Variants in ZC3H11A observed in about 807,000 individuals in gnomAD.
ZC3H11A encodes the protein zinc finger CCCH domain-containing protein 11A.
Under a neutral mutation model 90.8 loss-of-function variants are expected in ZC3H11A, and 22 were observed. The ratio of observed to expected loss-of-function variants is 0.24; its 90% confidence interval spans 0.17 to 0.35. ZC3H11A has a LOEUF of 0.35. Ranked by LOEUF, ZC3H11A falls within the 10% of genes least tolerant of loss-of-function variation. The pLI is 1.00. For synonymous variants in ZC3H11A, 294 were observed against 339.8 expected (o/e 0.87, Z 1.48); for missense variants, 701 against 964.9 (o/e 0.73, Z 3.62).
chr1:203,850,055 T>G, intron 15 of ZC3H11A, 29 bp downstream of exon 15: 1 of 1,595,444 alleles, frequency 6.3e-7, no homozygotes, highest in Non-Finnish European at 8.5e-7. Flanking sequence ...TGTATTGCTT[T>G]AGGTTATCAA....
At chr1:203,822,439 G>A (rs80021399) in intron 4 of ZC3H11A, among the ~76,000 whole-genome samples, 2,643 of 151,860 alleles carry the variant, frequency 0.017, 69 homozygotes, top group African/African-American at 0.056. Flanking sequence ...CCCCCAACAC[G>A]ATCCCTATAA....
Position 203,829,906 on chromosome 1 carries a change from G to A in ZC3H11A, c.619+10G>A, listed in dbSNP as rs763144075. ...GTCAATATAAAGCAAGGTAAGAAGA[G>A]GCTAGATTGGTGCCTCTTATAGCAC... On this transcript the variant is annotated intron_variant, in intron 7 of 17. Coordinates refer to ENST00000367210, the MANE Select transcript of ZC3H11A (RefSeq NM_001376342.1). The A allele has an allele frequency of 1.9e-5, 31 of 1,610,036 alleles. No individual in the cohort carries two copies. The highest frequency in any genetic ancestry group is 2.0e-5 in the Non-Finnish European group (23 of 1,176,326).
At chr1:203,826,473 T>C (rs1680575056) in intron 4 of ZC3H11A, among the ~76,000 whole-genome samples, 1 of 152,080 alleles carries the variant, frequency 6.6e-6, no homozygotes, top group Admixed American at 6.6e-5. Context: ...AAACTGATTT[T>C]GCCAAATCAC....
At chr1:203,805,807 G>T (rs1244434627) in intron 2 of ZC3H11A, 2 of 794,866 alleles carry the variant, frequency 2.5e-6, no homozygotes, top group Non-Finnish European at 4.4e-6. Context: ...ATCTAATTCT[G>T]GGCCGCCATA....
At chr1:203,813,755 C>G (rs1675294906) in intron 2 of ZC3H11A, among the ~76,000 whole-genome samples, 1 of 152,050 alleles carries the variant, frequency 6.6e-6, no homozygotes, top group Non-Finnish European at 1.5e-5. Flanking sequence ...GTTGGCAATC[C>G]TTGGCATTCC....
intron 2 of ZC3H11A, among the ~76,000 whole-genome samples, chr1:203,806,773 A>G (rs1259246798): frequency 6.8e-6 from 1 of 148,140 alleles, no homozygotes; most frequent in African/African-American, 2.5e-5. Flanking sequence ...CATTTATGCT[A>G]GGAAGTACCT....
chr1:203,810,149 GT>G (rs1315810818), intron 2 of ZC3H11A, among the ~76,000 whole-genome samples: 7 of 144,470 alleles, frequency 4.8e-5, no homozygotes, highest in South Asian at 2.3e-4. Context: ...TTTGTTTTTT[GT>G]TTTTTTTTTA....
Position 203,837,969 on chromosome 1 carries a change from G to T in ZC3H11A, c.878G>T (p.Gly293Val). 6.2e-7 allele frequency: 1 copy of T among 1,612,544 alleles called. No individual in the cohort carries two copies. Among genetic ancestry groups the T allele is most frequent in the Non-Finnish European group, 8.5e-7 (1 of 1,179,596 alleles). The part of the protein sequence containing the change: ...RLGKRKFSAG[G>V]DSDPPLKRSL... ...ACTAAGTTCTCCCTCTTTATAGGCG[G>T]TGACAGTGATCCTCCATTAAAGCGT... Residue 293 changes from glycine to valine, a missense_variant, in exon 11 of 18, where the codon GGT (glycine) becomes GTT (valine). By Grantham distance (109) the Gly-to-Val change is moderately radical. Coordinates refer to ENST00000367210, the MANE Select transcript of ZC3H11A (RefSeq NM_001376342.1).
chr1:203,837,959 T>C lies in ZC3H11A; in HGVS notation c.875-7T>C, dbSNP rs771767216. On this transcript the variant is annotated splice_polypyrimidine_tract_variant and splice_region_variant and intron_variant, in intron 10 of 17. Transcript: ENST00000367210. ...GAAATCTTAAACTAAGTTCTCCCTC[T>C]TTATAGGCGGTGACAGTGATCCTCC... 9 of 1,607,138 alleles carry C rather than the reference T, an allele frequency of 5.6e-6. No individual in the cohort carries two copies. The highest frequency in any genetic ancestry group is 7.6e-6 in the Non-Finnish European group (9 of 1,178,376).
chr1:203,822,242 A>G (rs1166385339), intron 4 of ZC3H11A, among the ~76,000 whole-genome samples: 3 of 152,110 alleles, frequency 2.0e-5, no homozygotes, highest in Non-Finnish European at 2.9e-5. Context: ...GTCTACTAGT[A>G]TAAAAACCAA....
At chr1:203,826,422 G>A (rs1222351435) in intron 4 of ZC3H11A, among the ~76,000 whole-genome samples, 1 of 151,404 alleles carries the variant, frequency 6.6e-6, no homozygotes, top group Non-Finnish European at 1.5e-5. Context: ...ATATTAATAG[G>A]TAATTATGCA....
chr1:203,805,352 C>T (rs1053744689), intron 2 of ZC3H11A, among the ~76,000 whole-genome samples: 10 of 151,820 alleles, frequency 6.6e-5, no homozygotes, highest in African/African-American at 2.4e-4. Flanking sequence ...AGGCTGGTCT[C>T]GAACTTCTGA....
chr1:203,837,564 T>C (rs1253875997), intron 10 of ZC3H11A, among the ~76,000 whole-genome samples: 1 of 151,926 alleles, frequency 6.6e-6, no homozygotes, highest in Non-Finnish European at 1.5e-5. Context: ...CCTTTCTACC[T>C]CCTGGGCTCA....
At position 203,847,236 on chromosome 1, in the gene ZC3H11A, T is replaced by A; in HGVS notation, c.1095T>A (p.Leu365=). 1 of 1,613,800 alleles carries A rather than the reference T, an allele frequency of 6.2e-7. No individual in the cohort carries two copies. Among genetic ancestry groups the A allele is most frequent in the East Asian group, 2.2e-5 (1 of 44,870 alleles). Residue 365 remains leucine, a synonymous_variant, in exon 13 of 18, where the codon CTT becomes CTA. Transcript: ENST00000367210. ...EIHVKTLEEI[L]LERASQKRGE... The stretch of plus-strand genomic sequence containing the variant: ...ATGTGAAGACATTAGAAGAAATTCT[T>A]CTTGAAAGAGCCAGTCAGAAACGTG...
At chr1:203,843,107 T>C (rs1048757776) in intron 12 of ZC3H11A, among the ~76,000 whole-genome samples, 3 of 152,230 alleles carry the variant, frequency 2.0e-5, no homozygotes, top group African/African-American at 7.2e-5. Flanking sequence ...GACATTCTTA[T>C]TCTGTTGTAT....
rs12069563 is a variant in ZC3H11A at position 203,836,900 on chromosome 1, G to T, written c.875-1066G>T. On this transcript the variant is annotated intron_variant, in intron 10 of 17. Coordinates refer to ENST00000367210, the MANE Select transcript of ZC3H11A (RefSeq NM_001376342.1). ...TTCTTTTCTAGAATTGGAGAGAGAG[G>T]GGTTATGTGGCTCTTAAAGTCTTCA... Among the ~76,000 whole-genome samples the T allele has an allele frequency of 6.2e-3, 946 of 152,192 alleles. 14 individuals carry two copies. The highest frequency in any genetic ancestry group is 0.043 in the East Asian group (221 of 5,188).
In ZC3H11A at chr1:203,852,767, A is replaced by G. The variant is rs1689564728; in HGVS notation, c.*368A>G. On this transcript the variant is annotated 3_prime_UTR_variant, in exon 18 of 18. Coordinates refer to ENST00000367210, the MANE Select transcript of ZC3H11A (RefSeq NM_001376342.1). ...TTCTTCTTTGTTGTATTCTTTATGT[A>G]TTGTCTTGATGTACTTAATATTACC... 1 of 265,886 alleles carries G rather than the reference A, an allele frequency of 3.8e-6. No homozygotes were observed. The allele number at this position is 265,886 out of a possible 1,614,324, so 16.5% of individuals were successfully genotyped here. A position where few individuals can be genotyped will look rare whatever the true frequency, so the allele number is the denominator to read the frequency against.
At chr1:203,851,381 G>T (rs1190212408) in intron 17 of ZC3H11A, among the ~76,000 whole-genome samples, 1 of 152,176 alleles carries the variant, frequency 6.6e-6, no homozygotes, top group Non-Finnish European at 1.5e-5. Context: ...CCAGACTGGA[G>T]TGCAGTGGCA....
At chr1:203,830,673 G>T (rs1351938584) in intron 8 of ZC3H11A, among the ~76,000 whole-genome samples, 2 of 152,042 alleles carry the variant, frequency 1.3e-5, no homozygotes, top group Non-Finnish European at 2.9e-5. Flanking sequence ...GCCAGGCGGG[G>T]TGGCATGCAC....
Sources: gnomAD v4.1 joint callset for allele counts (sites outside exome capture counted in the v4.1 genomes callset) on GRCh38, gnomAD v4.1.1 for gene constraint, MANE v1.5 for transcripts, NCBI Gene and HGNC (gene_info 2026-07-23, HGNC 2026-07-21) for gene names.